The following RAPGEF6 variants were observed in gnomAD, a reference collection of about 807,000 sequenced individuals.
RAPGEF6 encodes the protein PDZ domain containing guanine nucleotide exchange factor (GEF) 2.
In RAPGEF6, 56 loss-of-function variants were observed where a neutral mutation model predicts 171.4. The observed-to-expected ratio is 0.33, with a 90% CI of 0.26 to 0.41. RAPGEF6 has a LOEUF of 0.41. Among genes scored for constraint, RAPGEF6 ranks in the 10% least tolerant of loss-of-function variants. The pLI is 1.00. For missense variants in RAPGEF6, 1,674 were observed against 1,921.4 expected (o/e 0.87, Z 2.41); for synonymous variants, 692 against 650.1 (o/e 1.06, Z -0.98).
chr5:131,495,499 G>A, intron 13 of RAPGEF6, 54 bp downstream of exon 13: 2 of 1,376,378 alleles, frequency 1.5e-6, no homozygotes, highest in South Asian at 1.2e-5. Context: ...GAGTTTGCTA[G>A]TGTTGAGGGG....
chr5:131,516,151 C>T (rs545579746), intron 7 of RAPGEF6, among the ~76,000 whole-genome samples: 62 of 133,738 alleles, frequency 4.6e-4, no homozygotes, highest in Admixed American at 1.3e-3. Flanking sequence ...TGCAGTGGTG[C>T]GATCTTGGCT....
chr5:131,577,027 C>T (rs1164576069), intron 4 of RAPGEF6, among the ~76,000 whole-genome samples: 1 of 152,150 alleles, frequency 6.6e-6, no homozygotes, highest in Non-Finnish European at 1.5e-5. Flanking sequence ...TTGACTTTAC[C>T]CATATGCCCC....
intron 19 of RAPGEF6, among the ~76,000 whole-genome samples, chr5:131,457,382 A>T (rs982104739): frequency 2.0e-5 from 3 of 152,182 alleles, no homozygotes; most frequent in African/African-American, 7.2e-5. Flanking sequence ...ACAATCCTTT[A>T]TTTGGCATAG....
At chr5:131,607,868 C>G (rs1029525434) in intron 1 of RAPGEF6, among the ~76,000 whole-genome samples, 3 of 152,126 alleles carry the variant, frequency 2.0e-5, no homozygotes, top group African/African-American at 7.2e-5. Context: ...ATAAAAGAAA[C>G]TAGACTTACT....
chr5:131,601,154 C>A (rs1047939872), intron 3 of RAPGEF6, among the ~76,000 whole-genome samples: 4 of 151,200 alleles, frequency 2.6e-5, no homozygotes, highest in Admixed American at 6.6e-5. Flanking sequence ...GAGGCCGAGG[C>A]GGGTGGATCA....
intron 6 of RAPGEF6, among the ~76,000 whole-genome samples, chr5:131,528,657 A>G (rs772751981): frequency 3.6e-4 from 55 of 152,240 alleles, no homozygotes; most frequent in African/African-American, 9.6e-4. Context: ...TTCATTTTTT[A>G]ATGGTGAGTT....
intron 7 of RAPGEF6, among the ~76,000 whole-genome samples, chr5:131,514,303 C>T (rs1458547727): frequency 2.0e-5 from 3 of 152,050 alleles, no homozygotes; most frequent in Admixed American, 6.5e-5. Context: ...AAAGGAAAGT[C>T]AGGTCCTTAA....
At chr5:131,539,418 A>C (rs1487762998) in intron 6 of RAPGEF6, among the ~76,000 whole-genome samples, 1 of 152,186 alleles carries the variant, frequency 6.6e-6, no homozygotes, top group Non-Finnish European at 1.5e-5. Context: ...CACCTCCTTT[A>C]GTTTGACTTG....
At chr5:131,604,260 A>G (rs779261802) in intron 2 of RAPGEF6, among the ~76,000 whole-genome samples, 3 of 152,150 alleles carry the variant, frequency 2.0e-5, no homozygotes, top group Non-Finnish European at 4.4e-5. Context: ...CAACCTCAAC[A>G]CTGTGTTTTG....
chr5:131,510,497 A>C lies in RAPGEF6; in HGVS notation c.628-6T>G, dbSNP rs116131520. ...CCTACCTCACTCTCCGTAGCCTATG[A>C]AAAGAAATCTTGATCACTTACCATT... On this transcript the variant is annotated splice_region_variant and splice_polypyrimidine_tract_variant and intron_variant, in intron 7 of 27. Transcript: ENST00000509018. 6,410 of 1,608,282 alleles carry C rather than the reference A, an allele frequency of 4.0e-3. 13 individuals carry two copies. Among genetic ancestry groups the C allele is most frequent in the Non-Finnish European group, 4.8e-3 (5,647 of 1,178,088 alleles).
At position 131,550,974 on chromosome 5, in the gene RAPGEF6, C is replaced by T. The variant is rs147383557; in HGVS notation, c.352-2784G>A. ...ATAACAAGTTCTCTAAGGCAGGAAC[C>T]GTATTATGTAATATTATATTCATCT... On this transcript the variant is annotated intron_variant, in intron 5 of 27. Coordinates refer to ENST00000509018, the MANE Select transcript of RAPGEF6 (RefSeq NM_016340.6). Among the ~76,000 whole-genome samples, 181 of 152,220 alleles carry T rather than the reference C, an allele frequency of 1.2e-3. 1 individual carries two copies. Among genetic ancestry groups the T allele is most frequent in the African/African-American group, 3.8e-3 (156 of 41,536 alleles).
chr5:131,544,937 C>T (rs1350557733), intron 6 of RAPGEF6, among the ~76,000 whole-genome samples: 1 of 152,170 alleles, frequency 6.6e-6, no homozygotes, highest in Non-Finnish European at 1.5e-5. Context: ...CCTGCCTCGG[C>T]CCCCAAAGTG....
At chr5:131,617,631 G>A (rs894938682) in intron 1 of RAPGEF6, among the ~76,000 whole-genome samples, 3 of 152,254 alleles carry the variant, frequency 2.0e-5, no homozygotes, top group Non-Finnish European at 2.9e-5. Flanking sequence ...AGTGGCTCAC[G>A]CCTGTAATCT....
At chr5:131,440,352 A>G in intron 23 of RAPGEF6, 1 of 385,082 alleles carries the variant, frequency 2.6e-6, no homozygotes, top group Non-Finnish European at 5.1e-6. Flanking sequence ...TGTTTAGTGT[A>G]CCTCAAACTT....
At chr5:131,633,614 CCAGCTA>C (rs1766450757) in intron 1 of RAPGEF6, among the ~76,000 whole-genome samples, 1 of 151,564 alleles carries the variant, frequency 6.6e-6, no homozygotes, top group African/African-American at 2.4e-5. Flanking sequence ...GCCTGTAATC[CCAGCTA>C]CTCCGGAGGC....
chr5:131,570,939 C>A (rs937890878), intron 4 of RAPGEF6, among the ~76,000 whole-genome samples: 9 of 145,494 alleles, frequency 6.2e-5, no homozygotes, highest in African/African-American at 2.4e-4. Flanking sequence ...TCATCCCCAA[C>A]TACTTTTTTT....
At chr5:131,476,900 T>C (rs1346468014) in intron 16 of RAPGEF6, among the ~76,000 whole-genome samples, 2 of 152,202 alleles carry the variant, frequency 1.3e-5, no homozygotes, top group African/African-American at 4.8e-5. Flanking sequence ...AGTCTAAACT[T>C]TTATAAACTT....
At chr5:131,456,131 C>T (rs1231418794) in intron 19 of RAPGEF6, 119 bp from the exon 20 acceptor site, 1 of 655,738 alleles carries the variant, frequency 1.5e-6, no homozygotes, top group African/African-American at 1.8e-5. Context: ...TATTTTAACA[C>T]ATTGAAATAA....
At chr5:131,628,665 T>C (rs1188734507) in intron 1 of RAPGEF6, among the ~76,000 whole-genome samples, 2 of 152,210 alleles carry the variant, frequency 1.3e-5, no homozygotes, top group Non-Finnish European at 2.9e-5. Flanking sequence ...AATCAATGCC[T>C]GGCTTCAAAG....
Sources: gnomAD v4.1 joint callset for allele counts (sites outside exome capture counted in the v4.1 genomes callset) on GRCh38, gnomAD v4.1.1 for gene constraint, MANE v1.5 for transcripts, NCBI Gene and HGNC (gene_info 2026-07-23, HGNC 2026-07-21) for gene names.